Variants in UBAP2L observed in about 807,000 individuals in gnomAD.
UBAP2L encodes the protein ubiquitin associated protein 2 like.
UBAP2L carries 12 observed loss-of-function variants against 130.6 expected under a neutral mutation model. The ratio of observed to expected loss-of-function variants is 0.09; its 90% CI spans 0.06 to 0.15. UBAP2L has a LOEUF of 0.15. Among genes scored for constraint, UBAP2L ranks in the 10% least tolerant of loss-of-function variants. The probability of loss-of-function intolerance (pLI) is 1.00; values close to 1 mark genes in which losing one functional copy is unlikely to be tolerated. For missense variants in UBAP2L, 965 were observed against 1,332.5 expected (o/e 0.72, Z 4.29); for synonymous variants, 503 against 524.7 (o/e 0.96, Z 0.57).
chr1:154,239,826 G>A (rs1162983894), intron 8 of UBAP2L, among the ~76,000 whole-genome samples: 1 of 152,196 alleles, frequency 6.6e-6, no homozygotes, highest in Non-Finnish European at 1.5e-5. Context: ...AGAAGAAAGT[G>A]TGGTATCAAT....
At chr1:154,260,236 G>T (rs547525843) in intron 22 of UBAP2L, among the ~76,000 whole-genome samples, 1 of 152,122 alleles carries the variant, frequency 6.6e-6, no homozygotes, top group African/African-American at 2.4e-5. Flanking sequence ...AGCCAGGCAT[G>T]GTAGCACACA....
In UBAP2L at chr1:154,225,467, CT is replaced by C. The variant is rs879670058; in HGVS notation, c.90+266del. 1.5e-3 allele frequency among the ~76,000 whole-genome samples: 209 copies of C among 144,034 alleles called. 1 individual carries two copies. Among genetic ancestry groups the C allele is most frequent in the East Asian group, 3.6e-3 (18 of 5,016 alleles). The allele number at this position is 144,034 out of a possible 152,430, so 94.5% of individuals were successfully genotyped here. A position where few individuals can be genotyped will look rare whatever the true frequency, so the allele number is the denominator to read the frequency against. On this transcript the variant is annotated intron_variant, in intron 2 of 26. Transcript: ENST00000428931. Reference sequence around the variant, plus strand: ...TTATTATGGGTCCTGTGCTTTTTATCTTTTTTTTTTTTGTTTTGTTTTAAGA... The same window carrying C: ...TTATTATGGGTCCTGTGCTTTTTATCTTTTTTTTTTTGTTTTGTTTTAAGA...
At chr1:154,254,548 C>T (rs2148930729) in intron 15 of UBAP2L, 2 of 510,160 alleles carry the variant, frequency 3.9e-6, no homozygotes, top group Non-Finnish European at 6.9e-6. Context: ...GGACTTTGGG[C>T]CTTTCCTCTA....
Position 154,268,818 on chromosome 1 carries a change from C to T in UBAP2L, c.3032C>T (p.Ser1011Leu). Residue 1011 changes from serine (S) to leucine (L), a missense_variant, in exon 26 of 27, where the codon TCA (serine) becomes TTA (leucine). Coordinates refer to ENST00000428931, the MANE Select transcript of UBAP2L (RefSeq NM_014847.4). ...GTPAASFNLP[S>L]ALGSGGPINP... ...CCTGCTGCTTCCTTCAACTTGCCTTCAGCCCTAGGAAGTGGGGGCCCCATC... is the reference window on the plus strand; with the variant it reads ...CCTGCTGCTTCCTTCAACTTGCCTTTAGCCCTAGGAAGTGGGGGCCCCATC... 1 of 1,614,160 alleles carries T rather than the reference C, an allele frequency of 6.2e-7. No individual in the cohort carries two copies. Among genetic ancestry groups the T allele is most frequent in the Non-Finnish European group, 8.5e-7 (1 of 1,180,026 alleles).
At chr1:154,243,154 T>G in intron 9 of UBAP2L, 63 bp from the exon 10 acceptor site, 1 of 1,409,684 alleles carries the variant, frequency 7.1e-7, no homozygotes, top group Non-Finnish European at 1.0e-6. Context: ...TCCCCTTACC[T>G]ATGCCAAGTT....
rs538113773 is a variant in UBAP2L, at chr1:154,253,968, C to T, written c.1733C>T (p.Ser578Leu). The change falls in exon 15 of 27, where the codon TCG becomes TTG. Residue 578 changes from serine (S) to leucine (L), a missense_variant. Ser to Leu is a moderately radical substitution (Grantham distance 145, BLOSUM62 -2). Around this residue, in one of 9 missense-constraint regions of UBAP2L, gnomAD observed 393 missense variants for 408.1 expected, o/e 0.96. Transcript: ENST00000428931. ...ESGYQSGPIQ[S>L]TTYTSQNNAQ... ...GGTTATCAGAGCGGCCCAATTCAGT[C>T]GACAACCTATACCTCCCAAAATAAT... is the stretch of plus-strand genomic sequence containing the variant. The T allele has an allele frequency of 3.7e-6, 6 of 1,614,048 alleles. No homozygotes were observed. Among genetic ancestry groups the T allele is most frequent in the South Asian group, 1.1e-5 (1 of 91,074 alleles).
chr1:154,237,697 A>G (rs1038941834), intron 8 of UBAP2L, among the ~76,000 whole-genome samples: 8 of 152,180 alleles, frequency 5.3e-5, no homozygotes, highest in African/African-American at 1.9e-4. Context: ...CTGAACAAGA[A>G]GATTTCGAAA....
intron 1 of UBAP2L, among the ~76,000 whole-genome samples, chr1:154,224,788 T>C (rs1667413290): frequency 6.6e-6 from 1 of 152,244 alleles, no homozygotes; most frequent in Admixed American, 6.5e-5. Flanking sequence ...AAAAGGCTTT[T>C]GATTATTAGT....
rs1434649528 is a variant in UBAP2L, at chr1:154,243,284, C to A, written c.824C>A (p.Thr275Lys). Reference protein sequence around the residue: ...SSVPLPAENVTITAGQRIDLA... With the variant: ...SSVPLPAENVKITAGQRIDLA... The stretch of plus-strand genomic sequence containing the variant: ...GTGCCTCTGCCTGCGGAGAATGTGA[C>A]AATCACTGCTGGTCAGAGGCAAGTG... The change falls in exon 10 of 27, where the codon ACA becomes AAA. Residue 275 changes from threonine to lysine, a missense_variant. Thr to Lys is a moderately conservative substitution (Grantham distance 78, BLOSUM62 -1). Transcript: ENST00000428931. 6.2e-7 allele frequency: 1 copy of A among 1,611,790 alleles called. No homozygotes were observed. The highest frequency in any genetic ancestry group is 2.2e-5 in the East Asian group (1 of 44,858).
At chr1:154,226,758 A>G (rs1396706374) in intron 2 of UBAP2L, among the ~76,000 whole-genome samples, 2 of 152,158 alleles carry the variant, frequency 1.3e-5, no homozygotes, top group Admixed American at 6.5e-5. Context: ...AACTGTGAAG[A>G]TTGGTGAATG....
intron 8 of UBAP2L, among the ~76,000 whole-genome samples, chr1:154,239,160 T>G (rs2148692993): frequency 6.6e-6 from 1 of 152,254 alleles, no homozygotes; most frequent in African/African-American, 2.4e-5. Flanking sequence ...CTTTAAAATA[T>G]CCACAGGTAC....
Position 154,251,663 on chromosome 1 carries a change from A to G in UBAP2L, c.1664+10A>G. On this transcript the variant is annotated intron_variant, in intron 14 of 26. Coordinates refer to ENST00000428931, the MANE Select transcript of UBAP2L (RefSeq NM_014847.4). ...ATACCAGCACGGCCAGGTAGAGGAA[A>G]CATTAACCATAAGACCTCTCTTATT... 2 of 1,613,650 alleles carry G rather than the reference A, an allele frequency of 1.2e-6. No individual in the cohort carries two copies. The highest frequency in any genetic ancestry group is 1.1e-5 in the South Asian group (1 of 91,050).
chr1:154,227,164 C>A, intron 2 of UBAP2L, 118 bp from the exon 3 acceptor site: 1 of 824,390 alleles, frequency 1.2e-6, no homozygotes. Flanking sequence ...TGCTTTATTA[C>A]TTGCTCATTT....
intron 6 of UBAP2L, 108 bp downstream of exon 6, chr1:154,235,399 C>A: frequency 1.7e-6 from 1 of 603,204 alleles, no homozygotes; most frequent in Non-Finnish European, 3.0e-6. Flanking sequence ...CTCACCCAGG[C>A]CGGAGTGCAG....
At chr1:154,257,295 G>A (rs1283047316) in intron 19 of UBAP2L, 37 bp downstream of exon 19, 1 of 1,613,940 alleles carries the variant, frequency 6.2e-7, no homozygotes, top group African/African-American at 1.3e-5. Context: ...CCTCTGGGAT[G>A]GAGGAGGTAA....
chr1:154,264,018 C>A (rs1053446222), intron 24 of UBAP2L, among the ~76,000 whole-genome samples: 2 of 152,158 alleles, frequency 1.3e-5, no homozygotes, highest in African/African-American at 4.8e-5. Flanking sequence ...CCCTTGATGG[C>A]TTTTCAGAGA....
At chr1:154,243,523 C>G (rs1408198247) in intron 10 of UBAP2L, among the ~76,000 whole-genome samples, 2 of 151,600 alleles carry the variant, frequency 1.3e-5, no homozygotes, top group East Asian at 3.9e-4. Context: ...TGCAGTGGCA[C>G]GATTTCGGCT....
chr1:154,227,471 A>G, intron 3 of UBAP2L, 112 bp downstream of exon 3: 1 of 923,022 alleles, frequency 1.1e-6, no homozygotes, highest in South Asian at 1.5e-5. Context: ...TATTGAAAGA[A>G]TTTTGACCTG....
At chr1:154,232,856 T>C (rs546039417) in intron 4 of UBAP2L, among the ~76,000 whole-genome samples, 164 of 152,048 alleles carry the variant, frequency 1.1e-3, no homozygotes, top group African/African-American at 3.7e-3. Context: ...ACCACCATAC[T>C]TGGCTAATTT....
Sources: gnomAD v4.1 joint callset for allele counts (sites outside exome capture counted in the v4.1 genomes callset) on GRCh38, gnomAD v4.1.1 for gene constraint, gnomAD v4.1.1 regional missense constraint, MANE v1.5 for transcripts, NCBI Gene and HGNC (gene_info 2026-07-23, HGNC 2026-07-21) for gene names.